The following SFT2D3 variants were observed in gnomAD, a reference collection of about 807,000 sequenced individuals.
SFT2D3 encodes the protein vesicle transport protein SFT2C.
For synonymous variants in SFT2D3, 239 were observed against 191.2 expected (o/e 1.25, Z -2.06); for missense variants, 405 against 334.6 (o/e 1.21, Z -1.64).
rs13411917 is a variant in SFT2D3 at position 127,704,053 on chromosome 2, G to A, written c.*1877G>A. ...GTGGGAAGATCACTTGAGCCCAGGA[G>A]GTTGAGGCTGCAGTGAACTGTGATC... On this transcript the variant is annotated 3_prime_UTR_variant, in exon 1 of 1. Coordinates refer to ENST00000310981, the MANE Select transcript of SFT2D3 (RefSeq NM_032740.4). The A allele has an allele frequency of 6.5e-3, 1,079 of 166,434 alleles. 10 individuals are homozygous for A. Among genetic ancestry groups the A allele is most frequent in the African/African-American group, 0.024 (1,012 of 41,492 alleles). 10.3% of individuals were successfully genotyped at this position (166,434 alleles called of 1,614,324 possible).
rs767724864 is a variant in SFT2D3 at position 127,701,519 on chromosome 2, C to T, written c.-10C>T. On this transcript the variant is annotated 5_prime_UTR_variant, in exon 1 of 1. Transcript: ENST00000310981. ...CGCAGCTTTTCCTTTCTGCCACCGC[C>T]TTGTCCAAGATGGCGGACCTCCACC... 9.2e-6 allele frequency: 12 copies of T among 1,305,434 alleles called. No individual in the cohort carries two copies. The highest frequency in any genetic ancestry group is 2.0e-6 in the Non-Finnish European group (2 of 1,023,954). 80.9% of individuals were successfully genotyped at this position (1,305,434 alleles called of 1,614,324 possible). A position where few individuals can be genotyped will look rare whatever the true frequency, so the allele number is the denominator to read the frequency against.
rs1558914192 is a variant in SFT2D3 at position 127,701,836 on chromosome 2, T to C, written c.308T>C (p.Leu103Pro). The change falls in exon 1 of 1, where the codon CTG (leucine) becomes CCG (proline). Residue 103 changes from leucine (L) to proline (P), a missense_variant. Transcript: ENST00000310981. ...GCGCTCTACGCACCGGTGTTGCTGC[T>C]GCGCGCGCGCAAGTTCGCGCTGCTC... ...LAALYAPVLL[L>P]RARKFALLWS... 3.4e-6 allele frequency: 5 copies of C among 1,458,702 alleles called. No homozygotes were observed. Among genetic ancestry groups the C allele is most frequent in the Non-Finnish European group, 4.5e-6 (5 of 1,109,882 alleles). 90.4% of individuals were successfully genotyped at this position (1,458,702 alleles called of 1,614,324 possible).
Position 127,701,618 on chromosome 2 carries a change from G to T in SFT2D3, c.90G>T (p.Glu30Asp), listed in dbSNP as rs148183380. The T allele has an allele frequency of 0.017, 23,042 of 1,339,304 alleles. 241 individuals are homozygous for T. The highest frequency in any genetic ancestry group is 0.042 in the East Asian group (1,384 of 32,574). 83.0% of individuals were successfully genotyped at this position (1,339,304 alleles called of 1,614,324 possible). Residue 30 changes from glutamate (E) to aspartate (D), a missense_variant, in exon 1 of 1, where the codon GAG becomes GAT. Transcript: ENST00000310981. ...CCGCGGAGCCGCTGCTCGCCGCGGA[G>T]AAGGCGGAGGAGCCCGGGGACCGGC... ...PAAAEPLLAAEKAEEPGDRPA... is the reference protein window; with the variant it reads ...PAAAEPLLAADKAEEPGDRPA...
chr2:127,702,219 G>T lies in SFT2D3; in HGVS notation c.*43G>T. ...CGCTGGGGAAGTACGCGGAGCCAGC[G>T]CCGTCGGAGACCGCGCCGGCCGAGC... On this transcript the variant is annotated 3_prime_UTR_variant, in exon 1 of 1. Transcript: ENST00000310981. 3 of 1,203,490 alleles carry T rather than the reference G, an allele frequency of 2.5e-6. No individual in the cohort carries two copies. The highest frequency in any genetic ancestry group is 7.0e-5 in the East Asian group (2 of 28,574). 74.6% of individuals were successfully genotyped at this position (1,203,490 alleles called of 1,614,324 possible). A position where few individuals can be genotyped will look rare whatever the true frequency, so the allele number is the denominator to read the frequency against.
Position 127,702,086 on chromosome 2 carries a change from G to T in SFT2D3, c.558G>T (p.Gly186=), listed in dbSNP as rs762461637. The change falls in exon 1 of 1, where the codon GGG becomes GGT. Residue 186 remains glycine (G), a synonymous_variant. Transcript: ENST00000310981. The part of the protein sequence containing the change: ...QVAALLAALV[G]LLPWGGGTAL... ...CCGCGCTGCTGGCCGCGCTGGTTGGGCTGCTGCCCTGGGGCGGCGGCACCG... is the reference window on the plus strand; with the variant it reads ...CCGCGCTGCTGGCCGCGCTGGTTGGTCTGCTGCCCTGGGGCGGCGGCACCG... The T allele has an allele frequency of 2.5e-4, 308 of 1,222,934 alleles. No homozygotes were observed. The highest frequency in any genetic ancestry group is 3.1e-4 in the Non-Finnish European group (304 of 984,896). The allele number at this position is 1,222,934 out of a possible 1,614,324, so 75.8% of individuals were successfully genotyped here. A position where few individuals can be genotyped will look rare whatever the true frequency, so the allele number is the denominator to read the frequency against.
chr2:127,701,871 G>A lies in SFT2D3; in HGVS notation c.343G>A (p.Gly115Ser), dbSNP rs1297222881. 1 of 1,459,964 alleles carries A rather than the reference G, an allele frequency of 6.8e-7. No individual in the cohort carries two copies. 90.4% of individuals were successfully genotyped at this position (1,459,964 alleles called of 1,614,324 possible). Residue 115 changes from glycine (G) to serine (S), a missense_variant, in exon 1 of 1, where the codon GGC becomes AGC. Physicochemically the swap from Gly to Ser is moderately conservative, Grantham distance 56. Transcript: ENST00000310981. ...ARKFALLWSL[G>S]SALALAGSAL... ...CAAGTTCGCGCTGCTCTGGTCACTG[G>A]GCTCGGCGCTGGCGTTGGCGGGAAG...
chr2:127,703,493 C>T lies in SFT2D3; in HGVS notation c.*1317C>T. On this transcript the variant is annotated 3_prime_UTR_variant, in exon 1 of 1. Coordinates refer to ENST00000310981, the MANE Select transcript of SFT2D3 (RefSeq NM_032740.4). ...CCAAAATTTATGTTCCTAAGTAAGTCAGGTCCCTAAGCCCCGTCCCAAGAA... is the reference window on the plus strand; with the variant it reads ...CCAAAATTTATGTTCCTAAGTAAGTTAGGTCCCTAAGCCCCGTCCCAAGAA... 6.0e-6 allele frequency: 1 copy of T among 167,220 alleles called. No individual in the cohort carries two copies. 10.4% of individuals were successfully genotyped at this position (167,220 alleles called of 1,614,324 possible).
At position 127,701,979 on chromosome 2, in the gene SFT2D3, G is replaced by A. The variant is rs948225425; in HGVS notation, c.451G>A (p.Ala151Thr). The change falls in exon 1 of 1, where the codon GCA becomes ACA. Residue 151 changes from alanine (A) to threonine (T), a missense_variant. By Grantham distance (58) the Ala-to-Thr change is moderately conservative (BLOSUM62 0). Transcript: ENST00000310981. ...APSRPALLYM[A>T]ALGATLFAAL... ...GTCCCGGCCCGCGCTGCTCTACATG[G>A]CAGCGCTGGGCGCCACGCTGTTCGC... 6.6e-6 allele frequency: 9 copies of A among 1,359,748 alleles called. No individual in the cohort carries two copies. The highest frequency in any genetic ancestry group is 1.5e-5 in the African/African-American group (1 of 64,720). The allele number at this position is 1,359,748 out of a possible 1,614,324, so 84.2% of individuals were successfully genotyped here. A position where few individuals can be genotyped will look rare whatever the true frequency, so the allele number is the denominator to read the frequency against.
chr2:127,702,385 C>G lies in SFT2D3; in HGVS notation c.*209C>G. 1 of 350,134 alleles carries G rather than the reference C, an allele frequency of 2.9e-6. No homozygotes were observed. The highest frequency in any genetic ancestry group is 5.1e-6 in the Non-Finnish European group (1 of 195,276). 21.7% of individuals were successfully genotyped at this position (350,134 alleles called of 1,614,324 possible). ...CTCGATGTCAGCTTTTTGTGCTGGA[C>G]TTGGCACACGCTCTGAAAACTGAGA... is the stretch of plus-strand genomic sequence containing the variant. On this transcript the variant is annotated 3_prime_UTR_variant, in exon 1 of 1. Transcript: ENST00000310981.
Position 127,701,597 on chromosome 2 carries a change from G to T in SFT2D3, c.69G>T (p.Ala23=). The T allele has an allele frequency of 4.4e-6, 6 of 1,352,310 alleles. No homozygotes were observed. The highest frequency in any genetic ancestry group is 5.7e-6 in the Non-Finnish European group (6 of 1,053,544). 83.8% of individuals were successfully genotyped at this position (1,352,310 alleles called of 1,614,324 possible). ...AQGKAGGPAA[A]EPLLAAEKAE... is the part of the protein sequence containing the mutation. ...GGAAAGCTGGCGGCCCGGCGGCCGCGGAGCCGCTGCTCGCCGCGGAGAAGG... is the reference window on the plus strand; with the variant it reads ...GGAAAGCTGGCGGCCCGGCGGCCGCTGAGCCGCTGCTCGCCGCGGAGAAGG... Residue 23 remains alanine (A), a synonymous_variant, in exon 1 of 1, where the codon GCG becomes GCT. Transcript: ENST00000310981.
Position 127,701,821 on chromosome 2 carries a change from C to A in SFT2D3, c.293C>A (p.Ala98Glu). 6.9e-7 allele frequency: 1 copy of A among 1,457,840 alleles called. No homozygotes were observed. Among genetic ancestry groups the A allele is most frequent in the South Asian group, 1.3e-5 (1 of 77,596 alleles). 90.3% of individuals were successfully genotyped at this position (1,457,840 alleles called of 1,614,324 possible). ...TGTTTCGGCCTAGCCGCGCTCTACG[C>A]ACCGGTGTTGCTGCTGCGCGCGCGC... ...ALCFGLAALYAPVLLLRARKF... is the reference protein window; with the variant it reads ...ALCFGLAALYEPVLLLRARKF... The change falls in exon 1 of 1, where the codon GCA becomes GAA. Residue 98 changes from alanine (A) to glutamate (E), a missense_variant. Coordinates refer to ENST00000310981, the MANE Select transcript of SFT2D3 (RefSeq NM_032740.4).
Position 127,701,513 on chromosome 2 carries a change from C to T in SFT2D3, c.-16C>T. The stretch of plus-strand genomic sequence containing the variant: ...GTGAGCCGCAGCTTTTCCTTTCTGC[C>T]ACCGCCTTGTCCAAGATGGCGGACC... On this transcript the variant is annotated 5_prime_UTR_variant, in exon 1 of 1. Coordinates refer to ENST00000310981, the MANE Select transcript of SFT2D3 (RefSeq NM_032740.4). 1 of 1,294,424 alleles carries T rather than the reference C, an allele frequency of 7.7e-7. No homozygotes were observed. Among genetic ancestry groups the T allele is most frequent in the Non-Finnish European group, 9.8e-7 (1 of 1,017,378 alleles). The allele number at this position is 1,294,424 out of a possible 1,614,324, so 80.2% of individuals were successfully genotyped here.
Position 127,701,581 on chromosome 2 carries a change from GC to G in SFT2D3, c.54del (p.Gly19AlafsTer47). ...LQEYLAQGKA[G>X]GPAAAEPLLA... is the part of the protein sequence containing the mutation. The stretch of plus-strand genomic sequence containing the variant: ...GAGTACCTGGCGCAGGGGAAAGCTG[GC>G]GGCCCGGCGGCCGCGGAGCCGCTGC... On this transcript the variant is annotated frameshift_variant, in exon 1 of 1. Transcript: ENST00000310981. LOFTEE classifies it low-confidence loss of function (END_TRUNC). The G allele has an allele frequency of 7.5e-7, 1 of 1,338,122 alleles. No homozygotes were observed. The highest frequency in any genetic ancestry group is 9.6e-7 in the Non-Finnish European group (1 of 1,038,896). The allele number at this position is 1,338,122 out of a possible 1,614,324, so 82.9% of individuals were successfully genotyped here.
Position 127,701,986 on chromosome 2 carries a change from T to C in SFT2D3, c.458T>C (p.Leu153Pro). The change falls in exon 1 of 1, where the codon CTG becomes CCG. Residue 153 changes from leucine to proline, a missense_variant. Coordinates refer to ENST00000310981, the MANE Select transcript of SFT2D3 (RefSeq NM_032740.4). ...SRPALLYMAALGATLFAALGL... is the reference protein window; with the variant it reads ...SRPALLYMAAPGATLFAALGL... ...CCCGCGCTGCTCTACATGGCAGCGC[T>C]GGGCGCCACGCTGTTCGCCGCGCTG... The C allele has an allele frequency of 1.5e-6, 2 of 1,356,194 alleles. No individual in the cohort carries two copies. The highest frequency in any genetic ancestry group is 3.8e-5 in the Admixed American group (1 of 26,274). The allele number at this position is 1,356,194 out of a possible 1,614,324, so 84.0% of individuals were successfully genotyped here.
rs1166622976 is a variant in SFT2D3, at chr2:127,701,831, G to A, written c.303G>A (p.Leu101=). ...TAGCCGCGCTCTACGCACCGGTGTTGCTGCTGCGCGCGCGCAAGTTCGCGC... is the reference window on the plus strand; with the variant it reads ...TAGCCGCGCTCTACGCACCGGTGTTACTGCTGCGCGCGCGCAAGTTCGCGC... ...FGLAALYAPV[L]LLRARKFALL... The change falls in exon 1 of 1, where the codon TTG becomes TTA. Residue 101 remains leucine (L), a synonymous_variant. Transcript: ENST00000310981. The A allele has an allele frequency of 1.4e-6, 2 of 1,458,446 alleles. No homozygotes were observed. The highest frequency in any genetic ancestry group is 1.8e-6 in the Non-Finnish European group (2 of 1,109,700). The allele number at this position is 1,458,446 out of a possible 1,614,324, so 90.3% of individuals were successfully genotyped here.
At position 127,702,906 on chromosome 2, in the gene SFT2D3, A is replaced by G. The variant is rs1685928848; in HGVS notation, c.*730A>G. 6 of 167,024 alleles carry G rather than the reference A, an allele frequency of 3.6e-5. No individual in the cohort carries two copies. The Admixed American group carries it at 3.9e-4, about 11-fold the overall frequency. 10.3% of individuals were successfully genotyped at this position (167,024 alleles called of 1,614,324 possible). On this transcript the variant is annotated 3_prime_UTR_variant, in exon 1 of 1. Transcript: ENST00000310981. The stretch of plus-strand genomic sequence containing the variant: ...CTTCGGAAATCCTGCAAATAGAAAG[A>G]TAATTCTAGATCCGGAATACCTGTA...
At position 127,703,515 on chromosome 2, in the gene SFT2D3, A is replaced by T. The variant is rs1286560589; in HGVS notation, c.*1339A>T. The T allele has an allele frequency of 1.8e-5, 3 of 167,238 alleles. No individual in the cohort carries two copies. In the East Asian group the frequency reaches 5.8e-4, roughly 32 times the overall value. The allele number at this position is 167,238 out of a possible 1,614,324, so 10.4% of individuals were successfully genotyped here. ...AGTCAGGTCCCTAAGCCCCGTCCCA[A>T]GAAGTGACACAAGTGGCCAACATCC... On this transcript the variant is annotated 3_prime_UTR_variant, in exon 1 of 1. Transcript: ENST00000310981.
In SFT2D3 at chr2:127,703,482, C is replaced by G. The variant is rs1434709080; in HGVS notation, c.*1306C>G. On this transcript the variant is annotated 3_prime_UTR_variant, in exon 1 of 1. Transcript: ENST00000310981. ...TTCCTCCAACCCCAAAATTTATGTT[C>G]CTAAGTAAGTCAGGTCCCTAAGCCC... 1 of 167,074 alleles carries G rather than the reference C, an allele frequency of 6.0e-6. No homozygotes were observed. Among genetic ancestry groups the G allele is most frequent in the Admixed American group, 6.5e-5 (1 of 15,282 alleles). 10.3% of individuals were successfully genotyped at this position (167,074 alleles called of 1,614,324 possible). A position where few individuals can be genotyped will look rare whatever the true frequency, so the allele number is the denominator to read the frequency against.
chr2:127,701,788 C>T lies in SFT2D3; in HGVS notation c.260C>T (p.Ala87Val). The change falls in exon 1 of 1, where the codon GCT (alanine) becomes GTT (valine). Residue 87 changes from alanine (A) to valine (V), a missense_variant. Physicochemically the swap from Ala to Val is moderately conservative, Grantham distance 64. Coordinates refer to ENST00000310981, the MANE Select transcript of SFT2D3 (RefSeq NM_032740.4). ...LAAGGGCLLL[A>V]ALCFGLAALY... Reference sequence around the variant, plus strand: ...GCGGGCGGCGGGTGCCTGCTGCTGGCTGCACTGTGTTTCGGCCTAGCCGCG... The same window carrying T: ...GCGGGCGGCGGGTGCCTGCTGCTGGTTGCACTGTGTTTCGGCCTAGCCGCG... 6.9e-7 allele frequency: 1 copy of T among 1,449,338 alleles called. No homozygotes were observed. Among genetic ancestry groups the T allele is most frequent in the Non-Finnish European group, 9.1e-7 (1 of 1,103,942 alleles). The allele number at this position is 1,449,338 out of a possible 1,614,324, so 89.8% of individuals were successfully genotyped here.
Sources: gnomAD v4.1 joint callset for allele counts on GRCh38, gnomAD v4.1.1 for gene constraint, MANE v1.5 for transcripts, NCBI Gene and HGNC (gene_info 2026-07-23, HGNC 2026-07-21) for gene names.